SPAG16: variants seen among roughly 807,000 people sequenced by gnomAD.
The protein encoded by SPAG16 is sperm-associated antigen 16 protein.
In SPAG16, 86 loss-of-function variants were observed where a neutral mutation model predicts 80.4. That is an observed-to-expected ratio of 1.07 (90% confidence interval 0.90 to 1.28). The LOEUF (loss-of-function observed/expected upper bound fraction) is 1.28. SPAG16 is among the 50% of genes most tolerant of loss of function. The pLI, the probability that SPAG16 is intolerant of heterozygous loss-of-function variation, is 0.00. For synonymous variants in SPAG16, 294 were observed against 265.9 expected, an observed-to-expected ratio of 1.11 and a Z score of -1.03; for missense variants, 870 against 765.3, an observed-to-expected ratio of 1.14 and a Z score of -1.61.
At chr2:214,159,904 T>A (rs1157274296) in intron 15 of SPAG16, among the ~76,000 whole-genome samples, 1 of 152,018 alleles carries the variant, frequency 6.6e-6, no homozygotes, top group African/African-American at 2.4e-5. Flanking sequence ...TCATTCCCTC[T>A]CTTATATATC....
At chr2:214,205,639 T>A (rs977412084) in intron 15 of SPAG16, among the ~76,000 whole-genome samples, 1 of 152,044 alleles carries the variant, frequency 6.6e-6, no homozygotes, top group Non-Finnish European at 1.5e-5. Flanking sequence ...ATAAAACCCA[T>A]AAATAAAAAT....
intron 5 of SPAG16, among the ~76,000 whole-genome samples, chr2:213,329,546 C>T (rs1339404975): frequency 2.6e-5 from 4 of 152,158 alleles, no homozygotes; most frequent in African/African-American, 4.8e-5. Flanking sequence ...TGCTAAGCAT[C>T]AAAGCGTTCA....
intron 15 of SPAG16, among the ~76,000 whole-genome samples, chr2:214,169,926 T>G (rs2056810080): frequency 6.6e-6 from 1 of 152,058 alleles, no homozygotes; most frequent in Non-Finnish European, 1.5e-5. Context: ...TTTGGAGGCC[T>G]GCCCACTCAG....
intron 10 of SPAG16, among the ~76,000 whole-genome samples, chr2:213,754,572 A>G (rs1482252124): frequency 6.6e-6 from 1 of 152,232 alleles, no homozygotes; most frequent in Admixed American, 6.5e-5. Flanking sequence ...AACATATGAC[A>G]GCTTATGAGA....
At chr2:214,274,827 GA>G (rs1692325678) in intron 15 of SPAG16, among the ~76,000 whole-genome samples, 1 of 152,172 alleles carries the variant, frequency 6.6e-6, no homozygotes, top group Admixed American at 6.5e-5. Context: ...AGTTAGGGAG[GA>G]TTCCCTCTTT....
chr2:213,852,332 G>A (rs987325628), intron 10 of SPAG16, among the ~76,000 whole-genome samples: 2 of 152,164 alleles, frequency 1.3e-5, no homozygotes, highest in African/African-American at 4.8e-5. Context: ...AGCAGCTACA[G>A]ATATCTTTTT....
At chr2:213,437,737 A>T (rs868097242) in intron 9 of SPAG16, among the ~76,000 whole-genome samples, 9 of 152,218 alleles carry the variant, frequency 5.9e-5, no homozygotes, top group Admixed American at 2.0e-4. Context: ...CTAAAAACAA[A>T]ATGCAATAAA....
chr2:213,330,649 T>C (rs1439779667), intron 5 of SPAG16, among the ~76,000 whole-genome samples: 1 of 152,198 alleles, frequency 6.6e-6, no homozygotes, highest in Non-Finnish European at 1.5e-5. Context: ...TTTGAGTTAA[T>C]GCTGAAAAGA....
intron 15 of SPAG16, among the ~76,000 whole-genome samples, chr2:214,285,479 C>T (rs76032512): frequency 4.4e-4 from 67 of 152,104 alleles, no homozygotes; most frequent in Non-Finnish European, 6.6e-4. Flanking sequence ...AGATGAAAAA[C>T]TAACGAAACC....
At chr2:214,350,318 T>G (rs561134036) in intron 15 of SPAG16, among the ~76,000 whole-genome samples, 4 of 152,352 alleles carry the variant, frequency 2.6e-5, no homozygotes, top group African/African-American at 9.6e-5. Context: ...ATAGACACTT[T>G]GATATTGTCC....
At chr2:214,394,108 T>C (rs1011493301) in intron 15 of SPAG16, among the ~76,000 whole-genome samples, 1 of 152,198 alleles carries the variant, frequency 6.6e-6, no homozygotes, top group Non-Finnish European at 1.5e-5. Context: ...ATTAATTTAG[T>C]TTCCATTTTA....
At chr2:213,551,627 T>C (rs938227333) in intron 10 of SPAG16, among the ~76,000 whole-genome samples, 1 of 152,202 alleles carries the variant, frequency 6.6e-6, no homozygotes, top group Non-Finnish European at 1.5e-5. Flanking sequence ...CTATTTCCTA[T>C]AGTGTTATTC....
intron 15 of SPAG16, among the ~76,000 whole-genome samples, chr2:214,268,430 A>T (rs73989410): frequency 0.056 from 8,584 of 152,008 alleles, 835 homozygotes; most frequent in African/African-American, 0.2. Context: ...ATGGATTTTT[A>T]AAATGTAATA....
intron 10 of SPAG16, among the ~76,000 whole-genome samples, chr2:213,555,828 G>A (rs1165055162): frequency 6.6e-6 from 1 of 152,130 alleles, no homozygotes; most frequent in Non-Finnish European, 1.5e-5. Flanking sequence ...ATAATACTGT[G>A]TGAATCACTT....
chr2:213,898,842 T>C (rs533199885), intron 11 of SPAG16, among the ~76,000 whole-genome samples: 12 of 152,116 alleles, frequency 7.9e-5, no homozygotes, highest in Non-Finnish European at 1.8e-4. Flanking sequence ...AATAAACTGA[T>C]CTTATCAATA....
At chr2:214,227,580 T>G (rs1688358119) in intron 15 of SPAG16, among the ~76,000 whole-genome samples, 1 of 152,052 alleles carries the variant, frequency 6.6e-6, no homozygotes, top group East Asian at 1.9e-4. Context: ...GTAACTGCTG[T>G]AGCTGTTCTA....
chr2:214,368,810 A>G (rs1699642379), intron 15 of SPAG16, among the ~76,000 whole-genome samples: 1 of 152,154 alleles, frequency 6.6e-6, no homozygotes, highest in Non-Finnish European at 1.5e-5. Context: ...GGACCTTTGT[A>G]ATTAGCTGAA....
At chr2:214,203,308 C>A (rs1465607969) in intron 15 of SPAG16, among the ~76,000 whole-genome samples, 1 of 152,078 alleles carries the variant, frequency 6.6e-6, no homozygotes. Context: ...GGGGAAATGG[C>A]AGATAGGAGG....
chr2:213,529,683 C>A (rs1326689279), intron 10 of SPAG16, among the ~76,000 whole-genome samples: 1 of 152,150 alleles, frequency 6.6e-6, no homozygotes, highest in Non-Finnish European at 1.5e-5. Flanking sequence ...CTCTAGGCAA[C>A]TGTAACACAA....
Sources: gnomAD v4.1 joint callset for allele counts (sites outside exome capture counted in the v4.1 genomes callset) on GRCh38, gnomAD v4.1.1 for gene constraint, MANE v1.5 for transcripts, NCBI Gene and HGNC (gene_info 2026-07-23, HGNC 2026-07-21) for gene names.